The following SUFU variants were observed in gnomAD, a reference collection of about 807,000 sequenced individuals.
SUFU encodes the protein SUFU negative regulator of hedgehog signaling.
In SUFU, 7 loss-of-function variants were observed where a neutral mutation model predicts 58.9. The ratio of observed to expected loss-of-function variants is 0.12; its 90% CI spans 0.07 to 0.22. SUFU has a LOEUF of 0.22. Among genes scored for constraint, SUFU ranks in the 10% least tolerant of loss-of-function variants. The probability of loss-of-function intolerance (pLI) is 1.00; values close to 1 mark genes in which losing one functional copy is unlikely to be tolerated. For synonymous variants in SUFU, 232 were observed against 254.8 expected (o/e 0.91, Z 0.85); for missense variants, 451 against 641.3 (o/e 0.70, Z 3.20).
intron 3 of SUFU, among the ~76,000 whole-genome samples, chr10:102,588,729 A>C (rs1057470362): frequency 6.6e-6 from 1 of 152,110 alleles, no homozygotes; most frequent in African/African-American, 2.4e-5. Context: ...TCTCAACAAC[A>C]CTAAGTCTTC....
At chr10:102,537,908 T>C (rs1261523235) in intron 2 of SUFU, among the ~76,000 whole-genome samples, 3 of 152,216 alleles carry the variant, frequency 2.0e-5, no homozygotes, top group Admixed American at 6.5e-5. Flanking sequence ...TTCTTTTGGA[T>C]ATATACCTGG....
rs141274295 is a variant in SUFU at position 102,521,055 on chromosome 10, T to C, written c.317+11752T>C. Among the ~76,000 whole-genome samples the C allele has an allele frequency of 3.8e-3, 574 of 152,338 alleles. 2 individuals carry two copies. The highest frequency in any genetic ancestry group is 0.017 in the Middle Eastern group (5 of 294). ...TTTATGAGAAGCTGCCAAACCATTT[T>C]CCATAGTGGCTATACCATTTTTCAT... On this transcript the variant is annotated intron_variant, in intron 2 of 11. Coordinates refer to ENST00000369902, the MANE Select transcript of SUFU (RefSeq NM_016169.4).
At chr10:102,624,012 G>T (rs2063765177) in intron 10 of SUFU, among the ~76,000 whole-genome samples, 2 of 152,278 alleles carry the variant, frequency 1.3e-5, no homozygotes, top group South Asian at 4.1e-4. Context: ...GGGGATGATA[G>T]TCACCTCCCT....
intron 2 of SUFU, among the ~76,000 whole-genome samples, chr10:102,511,494 A>G (rs2062400539): frequency 6.6e-6 from 1 of 152,156 alleles, no homozygotes; most frequent in Non-Finnish European, 1.5e-5. Flanking sequence ...ATGGTATCAT[A>G]AAGAAGATGA....
At position 102,619,231 on chromosome 10, in the gene SUFU, C is replaced by T; in HGVS notation, c.1296+1803C>T. On this transcript the variant is annotated intron_variant, in intron 10 of 11. Coordinates refer to ENST00000369902, the MANE Select transcript of SUFU (RefSeq NM_016169.4). The surrounding 1 kb of genome is among the most constrained non-coding windows in gnomAD (Gnocchi z 4.2). ...CAGTCCCCTGAATGCCCTTCGGACCCAACCCCAATTCCCCAAGCCCCTGAC... is the reference window on the plus strand; with the variant it reads ...CAGTCCCCTGAATGCCCTTCGGACCTAACCCCAATTCCCCAAGCCCCTGAC... 1 of 1,525,578 alleles carries T rather than the reference C, an allele frequency of 6.6e-7. No homozygotes were observed. Among genetic ancestry groups the T allele is most frequent in the African/African-American group, 1.4e-5 (1 of 73,436 alleles). The allele number at this position is 1,525,578 out of a possible 1,614,324, so 94.5% of individuals were successfully genotyped here.
rs141018044 is a variant in SUFU, at chr10:102,516,553, A to G, written c.317+7250A>G. Among the ~76,000 whole-genome samples, 72 of 148,846 alleles carry G rather than the reference A, an allele frequency of 4.8e-4. No individual in the cohort carries two copies. In the East Asian group the frequency reaches 0.013, roughly 27 times the overall value. On this transcript the variant is annotated intron_variant, in intron 2 of 11. Coordinates refer to ENST00000369902, the MANE Select transcript of SUFU (RefSeq NM_016169.4). The stretch of plus-strand genomic sequence containing the variant: ...TGTCCAGCTGGCCCAGTTAAACTCA[A>G]TTTTCTTTTTTTTGAGACAGAGTCT...
In SUFU at chr10:102,615,209, C is replaced by A. The variant is rs1040615747; in HGVS notation, c.1023-59C>A. On this transcript the variant is annotated intron_variant, in intron 8 of 11. Transcript: ENST00000369902. ...CAGGAGCCCAGCTGGAGACTCCCAT[C>A]TTGCTCCTCCCTGAGCTTTTCACCT... is the stretch of plus-strand genomic sequence containing the variant. The A allele has an allele frequency of 1.3e-5, 21 of 1,612,722 alleles. No individual in the cohort carries two copies. The African/African-American group carries it at 2.8e-4, about 22-fold the overall frequency.
intron 3 of SUFU, among the ~76,000 whole-genome samples, chr10:102,574,799 G>A (rs938715209): frequency 2.6e-5 from 4 of 152,146 alleles, no homozygotes; most frequent in Non-Finnish European, 2.9e-5. Flanking sequence ...AGTGGCTCCT[G>A]TAATCCCAGC....
Position 102,631,950 on chromosome 10 carries a change from G to T in SUFU, c.*1795G>T. ...CTACTGCCCTGAGGACTTACCAGAGGGAGCCCTACTGGCCTTCCCCCACCA... is the reference window on the plus strand; with the variant it reads ...CTACTGCCCTGAGGACTTACCAGAGTGAGCCCTACTGGCCTTCCCCCACCA... On this transcript the variant is annotated 3_prime_UTR_variant, in exon 12 of 12. Transcript: ENST00000369902. The T allele has an allele frequency of 4.3e-6, 1 of 233,356 alleles. No homozygotes were observed. 14.5% of individuals were successfully genotyped at this position (233,356 alleles called of 1,614,324 possible). A position where few individuals can be genotyped will look rare whatever the true frequency, so the allele number is the denominator to read the frequency against.
chr10:102,627,293 G>C, intron 11 of SUFU, 50 bp downstream of exon 11: 1 of 1,508,328 alleles, frequency 6.6e-7, no homozygotes, highest in East Asian at 2.3e-5. Flanking sequence ...CTGGGACCAT[G>C]TGTGTGCGTG....
chr10:102,590,120 C>A (rs1395102179), intron 3 of SUFU, among the ~76,000 whole-genome samples: 2 of 149,302 alleles, frequency 1.3e-5, no homozygotes, highest in Admixed American at 6.7e-5. Context: ...TTGTGTATAA[C>A]CACCTCCCCC....
At chr10:102,598,083 T>C (rs372707812) in intron 7 of SUFU, among the ~76,000 whole-genome samples, 2 of 152,362 alleles carry the variant, frequency 1.3e-5, no homozygotes, top group East Asian at 3.8e-4. Flanking sequence ...ACATATATGA[T>C]AACACTTATA....
chr10:102,619,244 C>A lies in SUFU; in HGVS notation c.1296+1816C>A, dbSNP rs1175230004. 5.4e-6 allele frequency: 8 copies of A among 1,493,094 alleles called. No individual in the cohort carries two copies. The highest frequency in any genetic ancestry group is 2.4e-5 in the East Asian group (1 of 40,946). 92.5% of individuals were successfully genotyped at this position (1,493,094 alleles called of 1,614,324 possible). Reference sequence around the variant, plus strand: ...GCCCTTCGGACCCAACCCCAATTCCCCAAGCCCCTGACCCCCTAGCTGCCG... The same window carrying A: ...GCCCTTCGGACCCAACCCCAATTCCACAAGCCCCTGACCCCCTAGCTGCCG... On this transcript the variant is annotated intron_variant, in intron 10 of 11. Coordinates refer to ENST00000369902, the MANE Select transcript of SUFU (RefSeq NM_016169.4). The surrounding 1 kb of genome is among the most constrained non-coding windows in gnomAD (Gnocchi z 4.2).
chr10:102,535,499 G>T (rs76134216), intron 2 of SUFU, among the ~76,000 whole-genome samples: 76 of 145,232 alleles, frequency 5.2e-4, no homozygotes, highest in African/African-American at 1.9e-3. Flanking sequence ...AAAAAAAAAA[G>T]AGAAAGAAAA....
chr10:102,589,932 A>T (rs756872814), intron 3 of SUFU, among the ~76,000 whole-genome samples: 3 of 151,604 alleles, frequency 2.0e-5, no homozygotes, highest in Non-Finnish European at 2.9e-5. Context: ...CTTTATCAAG[A>T]TGAGGAAGTT....
intron 3 of SUFU, among the ~76,000 whole-genome samples, chr10:102,561,843 A>G (rs960468584): frequency 2.0e-5 from 3 of 151,680 alleles, no homozygotes; most frequent in Non-Finnish European, 4.4e-5. Flanking sequence ...TAATTTTTAA[A>G]TTTTTTGTGG....
At chr10:102,598,908 T>C (rs951420036) in intron 7 of SUFU, among the ~76,000 whole-genome samples, 6 of 151,842 alleles carry the variant, frequency 4.0e-5, no homozygotes, top group African/African-American at 1.2e-4. Context: ...AGAGGCAGAG[T>C]TTCCTGGGAT....
chr10:102,528,202 G>T (rs903008231), intron 2 of SUFU, among the ~76,000 whole-genome samples: 1 of 152,180 alleles, frequency 6.6e-6, no homozygotes, highest in African/African-American at 2.4e-5. Context: ...CAGATGTCCA[G>T]CAGGGGATGG....
chr10:102,522,289 A>G (rs1202444939), intron 2 of SUFU, among the ~76,000 whole-genome samples: 1 of 152,164 alleles, frequency 6.6e-6, no homozygotes, highest in African/African-American at 2.4e-5. Flanking sequence ...CTGTTTGCCT[A>G]CTTCTCAGAT....
Sources: allele counts gnomAD v4.1 joint callset (sites outside exome capture counted in the v4.1 genomes callset), GRCh38; gene constraint gnomAD v4.1.1; non-coding constraint Gnocchi (gnomAD v3.1); transcripts MANE v1.5; gene names NCBI Gene and HGNC (gene_info 2026-07-23, HGNC 2026-07-21).